The following NPSR1 variants were observed in gnomAD, a reference collection of about 807,000 sequenced individuals.
NPSR1 encodes neuropeptide S receptor.
Under a neutral mutation model 46.9 loss-of-function variants are expected in NPSR1, and 48 were observed. The observed-to-expected ratio is 1.02, with a 90% CI of 0.81 to 1.30. The LOEUF (loss-of-function observed/expected upper bound fraction) is 1.30, where lower values mean the gene tolerates loss of function less well. Among genes scored for constraint, NPSR1 ranks in the 50% most tolerant of loss-of-function variants. The pLI is 0.00. For missense variants in NPSR1, 450 were observed against 449.5 expected (o/e 1.00, Z -0.01); for synonymous variants, 176 against 168.1 (o/e 1.05, Z -0.36).
At chr7:34,706,416 C>T (rs1391997135) in intron 2 of NPSR1, among the ~76,000 whole-genome samples, 1 of 152,086 alleles carries the variant, frequency 6.6e-6, no homozygotes, top group Admixed American at 6.5e-5. Context: ...ATTTAAATAT[C>T]TTGGTCCTAT....
chr7:34,790,671 TTATATGTTCTATGTTATATATAA>T (rs1164291338), intron 3 of NPSR1, among the ~76,000 whole-genome samples: 9 of 130,666 alleles, frequency 6.9e-5, no homozygotes, highest in African/African-American at 2.3e-4. Context: ...TAAATATATG[TTATATGTTCTATGTTATATATAA>T]TATATGTTCT....
At chr7:34,683,123 G>A (rs1792734551) in intron 1 of NPSR1, among the ~76,000 whole-genome samples, 1 of 143,978 alleles carries the variant, frequency 6.9e-6, no homozygotes, top group African/African-American at 2.8e-5. Flanking sequence ...TTGATAAAGT[G>A]TAGGACTCAT....
At chr7:34,730,344 C>G (rs1784366273) in intron 2 of NPSR1, among the ~76,000 whole-genome samples, 1 of 152,136 alleles carries the variant, frequency 6.6e-6, no homozygotes, top group African/African-American at 2.4e-5. Context: ...GCCTGAAGAC[C>G]TCTGTACTTG....
At chr7:34,773,288 C>T (rs1786773344) in intron 2 of NPSR1, among the ~76,000 whole-genome samples, 1 of 152,106 alleles carries the variant, frequency 6.6e-6, no homozygotes, top group South Asian at 2.1e-4. Context: ...GTAGTTCATT[C>T]TAGGGCTCTA....
intron 2 of NPSR1, among the ~76,000 whole-genome samples, chr7:34,700,913 T>C (rs777591598): frequency 5.9e-5 from 9 of 152,378 alleles, no homozygotes; most frequent in Admixed American, 1.3e-4. Context: ...GCTACTGCTA[T>C]AGTTATTTCA....
chr7:34,793,856 G>A (rs964619201), intron 3 of NPSR1, among the ~76,000 whole-genome samples: 13 of 151,994 alleles, frequency 8.6e-5, no homozygotes, highest in Non-Finnish European at 1.8e-4. Context: ...AAAAATCTTG[G>A]TATATACATA....
chr7:34,699,217 C>T (rs943079034), intron 2 of NPSR1, among the ~76,000 whole-genome samples: 3 of 152,122 alleles, frequency 2.0e-5, no homozygotes, highest in Non-Finnish European at 2.9e-5. Flanking sequence ...TGGTGGCTCA[C>T]GCCTATAATC....
intron 2 of NPSR1, among the ~76,000 whole-genome samples, chr7:34,766,385 C>T (rs1380621424): frequency 2.0e-5 from 3 of 152,056 alleles, no homozygotes; most frequent in Non-Finnish European, 2.9e-5. Flanking sequence ...TTTATATTCA[C>T]ACAAAAACCT....
chr7:34,756,454 G>A (rs75520909), intron 2 of NPSR1, among the ~76,000 whole-genome samples: 3,224 of 152,124 alleles, frequency 0.021, 104 homozygotes, highest in African/African-American at 0.074. Context: ...CTAGGACAGG[G>A]GTCAACCAAA....
intron 3 of NPSR1, among the ~76,000 whole-genome samples, chr7:34,809,058 G>A (rs998244590): frequency 6.6e-6 from 1 of 152,082 alleles, no homozygotes; most frequent in Non-Finnish European, 1.5e-5. Context: ...GACAGCCACA[G>A]AGCCCCAAGA....
At chr7:34,712,338 TTTTC>T (rs534887314) in intron 2 of NPSR1, among the ~76,000 whole-genome samples, 1 of 152,214 alleles carries the variant, frequency 6.6e-6, no homozygotes, top group Non-Finnish European at 1.5e-5. Flanking sequence ...ATTTTTCATG[TTTTC>T]TTTGTTGTTG....
At chr7:34,798,612 A>G (rs1418011499) in intron 3 of NPSR1, among the ~76,000 whole-genome samples, 1 of 152,226 alleles carries the variant, frequency 6.6e-6, no homozygotes, top group Non-Finnish European at 1.5e-5. Context: ...GAACTGAACT[A>G]TTAATTAAAT....
At chr7:34,693,305 A>G (rs189657838) in intron 2 of NPSR1, among the ~76,000 whole-genome samples, 165 of 146,860 alleles carry the variant, frequency 1.1e-3, no homozygotes, top group Middle Eastern at 3.4e-3. Flanking sequence ...GGACTAATGC[A>G]GTGAAATTAC....
chr7:34,847,811 G>A (rs979557831), intron 7 of NPSR1, among the ~76,000 whole-genome samples: 41 of 152,158 alleles, frequency 2.7e-4, no homozygotes, highest in Non-Finnish European at 1.6e-4. Context: ...GAATATCTGA[G>A]CACTCCGCAG....
chr7:34,877,954 A>G, intron 8 of NPSR1: 1 of 587,638 alleles, frequency 1.7e-6, no homozygotes, highest in Non-Finnish European at 3.1e-6. Context: ...TGAAGAACCG[A>G]GGCGGGAGGT....
At chr7:34,842,023 C>A (rs553980742) in intron 6 of NPSR1, among the ~76,000 whole-genome samples, 251 of 152,244 alleles carry the variant, frequency 1.6e-3, no homozygotes, top group African/African-American at 5.9e-3. Flanking sequence ...GTAATAATAC[C>A]TTCTGTTCAC....
At chr7:34,711,634 C>T (rs894205707) in intron 2 of NPSR1, among the ~76,000 whole-genome samples, 1 of 152,206 alleles carries the variant, frequency 6.6e-6, no homozygotes, top group African/African-American at 2.4e-5. Flanking sequence ...GACATTAGTA[C>T]TTTTCCAGAG....
Position 34,829,487 on chromosome 7 carries a change from G to A in NPSR1, c.680+1885G>A, listed in dbSNP as rs116059219. 2.6e-3 allele frequency among the ~76,000 whole-genome samples: 389 copies of A among 152,348 alleles called. 2 individuals carry two copies. The highest frequency in any genetic ancestry group is 9.1e-3 in the African/African-American group (380 of 41,570). On this transcript the variant is annotated intron_variant, in intron 5 of 8. Coordinates refer to ENST00000360581, the MANE Select transcript of NPSR1 (RefSeq NM_207172.2). ...AGGCAAGTGAGCCACAGCGGTCAGA[G>A]AGCATTTGGAAGAAAGTGGCTTGTG...
At chr7:34,779,883 A>G (rs1787155675) in intron 3 of NPSR1, 1 of 165,776 alleles carries the variant, frequency 6.0e-6, no homozygotes, top group South Asian at 1.9e-4. Context: ...GGCTAGGCAG[A>G]TCTGGATAAA....
Sources: allele counts gnomAD v4.1 joint callset (sites outside exome capture counted in the v4.1 genomes callset), GRCh38; gene constraint gnomAD v4.1.1; transcripts MANE v1.5; gene names NCBI Gene and HGNC (gene_info 2026-07-23, HGNC 2026-07-21).